The following CSMD1 variants were observed in gnomAD, a reference collection of about 807,000 sequenced individuals.
CSMD1 encodes CUB and sushi domain-containing protein 1.
Under a neutral mutation model 417.5 loss-of-function variants are expected in CSMD1, and 213 were observed. The observed-to-expected ratio is 0.51, with a 90% CI of 0.46 to 0.57. CSMD1 has a LOEUF of 0.57. Ranked by LOEUF, CSMD1 falls within the 20% of genes least tolerant of loss-of-function variation. The probability of loss-of-function intolerance (pLI) is 0.00; values close to 1 mark genes in which losing one functional copy is unlikely to be tolerated. For synonymous variants in CSMD1, 2,862 were observed against 1,736.8 expected (o/e 1.65, Z -16.11); for missense variants, 6,923 against 4,529.7 (o/e 1.53, Z -15.17).
At chr8:3,720,656 C>G (rs969270802) in intron 6 of CSMD1, among the ~76,000 whole-genome samples, 6 of 151,210 alleles carry the variant, frequency 4.0e-5, no homozygotes, top group East Asian at 1.9e-4. Flanking sequence ...CACACACACA[C>G]CAGCACATTT....
chr8:3,515,080 TAATG>T (rs1563111918), intron 10 of CSMD1, among the ~76,000 whole-genome samples: 1 of 152,210 alleles, frequency 6.6e-6, no homozygotes, highest in East Asian at 1.9e-4. Flanking sequence ...ATAATACAGT[TAATG>T]AACATTTTAC....
chr8:3,625,015 A>T (rs749974512), intron 7 of CSMD1, among the ~76,000 whole-genome samples: 1 of 152,156 alleles, frequency 6.6e-6, no homozygotes, highest in Non-Finnish European at 1.5e-5. Flanking sequence ...TCTTGCAGCC[A>T]TAAGAGGATA....
chr8:4,959,893 T>A (rs901523767), intron 1 of CSMD1, among the ~76,000 whole-genome samples: 8 of 152,194 alleles, frequency 5.3e-5, no homozygotes, highest in African/African-American at 1.7e-4. Context: ...CTCATTAGAA[T>A]TGCAACAACA....
At chr8:4,356,298 A>T (rs931625622) in intron 3 of CSMD1, among the ~76,000 whole-genome samples, 2 of 151,186 alleles carry the variant, frequency 1.3e-5, no homozygotes, top group Non-Finnish European at 1.5e-5. Flanking sequence ...TTCATTCCTT[A>T]TTATGGCTAA....
chr8:3,315,437 A>AGTATGTGTGTGTGTGT (rs1554512189), intron 23 of CSMD1, among the ~76,000 whole-genome samples: 2 of 124,056 alleles, frequency 1.6e-5, no homozygotes, highest in Non-Finnish European at 3.8e-5. Context: ...AGGTGAAGTG[A>AGTATGTGTGTGTGTGT]GTGTGTGTGT....
intron 3 of CSMD1, among the ~76,000 whole-genome samples, chr8:4,165,211 C>A (rs1282560016): frequency 6.6e-6 from 1 of 152,204 alleles, no homozygotes; most frequent in Non-Finnish European, 1.5e-5. Context: ...AAGAGCTACA[C>A]ACCCTCCAGG....
At chr8:4,912,128 A>AG (rs1805719836) in intron 1 of CSMD1, among the ~76,000 whole-genome samples, 1 of 136,604 alleles carries the variant, frequency 7.3e-6, no homozygotes, top group Non-Finnish European at 1.5e-5. Context: ...GCTTCAAAAA[A>AG]AAAAAAAAAA....
At chr8:3,685,589 T>A (rs1799905637) in intron 7 of CSMD1, among the ~76,000 whole-genome samples, 1 of 152,176 alleles carries the variant, frequency 6.6e-6, no homozygotes, top group Non-Finnish European at 1.5e-5. Context: ...GCATCTGGCA[T>A]CTCATTGCCT....
chr8:3,345,392 C>T (rs12543425), intron 22 of CSMD1, among the ~76,000 whole-genome samples: 3,658 of 152,204 alleles, frequency 0.024, 77 homozygotes, highest in East Asian at 0.082. Context: ...GTCCAACCAC[C>T]GAAACCCCAG....
rs190501812 is a variant in CSMD1, at chr8:3,593,197, T to C, written c.1098-6937A>G. 4.6e-5 allele frequency among the ~76,000 whole-genome samples: 7 copies of C among 152,324 alleles called. No individual in the cohort carries two copies. In the East Asian group the frequency reaches 7.7e-4, roughly 17 times the overall value. ...AGCCCAGTGTCATGTTTCCCCACCATACTTGGGACCAAGACCCAAGCTGGG... is the reference window on the plus strand; with the variant it reads ...AGCCCAGTGTCATGTTTCCCCACCACACTTGGGACCAAGACCCAAGCTGGG... On this transcript the variant is annotated intron_variant, in intron 8 of 69. Transcript: ENST00000635120.
chr8:4,774,340 T>G (rs754027155), intron 1 of CSMD1, among the ~76,000 whole-genome samples: 7 of 152,196 alleles, frequency 4.6e-5, no homozygotes, highest in African/African-American at 1.7e-4. Context: ...CTCTCAAAAC[T>G]GAAGGAAATC....
At chr8:4,403,077 C>T (rs1215308244) in intron 3 of CSMD1, among the ~76,000 whole-genome samples, 3 of 152,030 alleles carry the variant, frequency 2.0e-5, no homozygotes, top group Admixed American at 6.5e-5. Context: ...GTGATCCGCT[C>T]GCCTCAGCCT....
intron 26 of CSMD1, among the ~76,000 whole-genome samples, chr8:3,268,289 AT>A (rs1163842745): frequency 0.16 from 13,598 of 82,654 alleles, 352 homozygotes; most frequent in Non-Finnish European, 0.2. Flanking sequence ...TTCATTTCCT[AT>A]TTTTTTTTTT....
chr8:3,514,039 C>T (rs1371782110), intron 10 of CSMD1, among the ~76,000 whole-genome samples: 2 of 152,120 alleles, frequency 1.3e-5, no homozygotes, highest in African/African-American at 4.8e-5. Flanking sequence ...TATAATAGCA[C>T]ACAGTTCTCT....
chr8:4,143,288 G>T (rs1281078502), intron 3 of CSMD1, among the ~76,000 whole-genome samples: 1 of 150,574 alleles, frequency 6.6e-6, no homozygotes, highest in African/African-American at 2.5e-5. Context: ...TCTCCTTCAG[G>T]CCACAGCTTT....
chr8:4,161,707 C>A (rs577865551), intron 3 of CSMD1, among the ~76,000 whole-genome samples: 1 of 152,262 alleles, frequency 6.6e-6, no homozygotes, highest in Admixed American at 6.5e-5. Flanking sequence ...TGCCACGAAT[C>A]ATAAGAAAAC....
At position 3,409,462 on chromosome 8, in the gene CSMD1, G is replaced by T; in HGVS notation, c.1705C>A (p.Gln569Lys). The T allele has an allele frequency of 6.2e-7, 1 of 1,611,470 alleles. No individual in the cohort carries two copies. The change falls in exon 13 of 70, where the codon CAG (glutamine) becomes AAG (lysine). Residue 569 changes from glutamine (Q) to lysine (K), a missense_variant. Physicochemically the swap from Gln to Lys is moderately conservative, Grantham distance 53 (BLOSUM62 1). Transcript: ENST00000635120. ...TTGTTGCCAGACCACTGATTGTTCTGCTGACAGGTGATAACTCTCTCCCCC... is the reference window on the plus strand; with the variant it reads ...TTGTTGCCAGACCACTGATTGTTCTTCTGACAGGTGATAACTCTCTCCCCC... ...LVGERVITCQQNNQWSGNKPS... is the reference protein window; with the variant it reads ...LVGERVITCQKNNQWSGNKPS...
At chr8:3,772,624 TAC>T (rs1297978254) in intron 5 of CSMD1, among the ~76,000 whole-genome samples, 1 of 127,224 alleles carries the variant, frequency 7.9e-6, no homozygotes, top group Non-Finnish European at 1.6e-5. Context: ...TATACATATA[TAC>T]ACATATATTT....
chr8:3,195,883 C>G (rs1052765402), intron 33 of CSMD1, among the ~76,000 whole-genome samples: 8 of 152,162 alleles, frequency 5.3e-5, no homozygotes, highest in Non-Finnish European at 8.8e-5. Context: ...ATGGTTCAGA[C>G]TTGGAATATT....
Sources: gnomAD v4.1 joint callset for allele counts (sites outside exome capture counted in the v4.1 genomes callset) on GRCh38, gnomAD v4.1.1 for gene constraint, MANE v1.5 for transcripts, NCBI Gene and HGNC (gene_info 2026-07-23, HGNC 2026-07-21) for gene names.